SPATA13: variants seen among roughly 807,000 people sequenced by gnomAD.
SPATA13 encodes the protein spermatogenesis associated 13.
In SPATA13, 50 loss-of-function variants were observed where a neutral mutation model predicts 104.0. That is an observed-to-expected ratio of 0.48 (90% confidence interval 0.38 to 0.61). The LOEUF (loss-of-function observed/expected upper bound fraction) is 0.61, where lower values mean the gene tolerates loss of function less well. SPATA13 is among the 20% of genes least tolerant of loss of function. The pLI is 0.00. For synonymous variants in SPATA13, 606 were observed against 667.5 expected, an observed-to-expected ratio of 0.91 and a Z score of 1.42; for missense variants, 1,524 against 1,690.6, an observed-to-expected ratio of 0.90 and a Z score of 1.73.
At chr13:24,085,327 A>G (rs1593319624) in intron 3 of SPATA13, among the ~76,000 whole-genome samples, 1 of 152,276 alleles carries the variant, frequency 6.6e-6, no homozygotes, top group East Asian at 1.9e-4. Flanking sequence ...GGGTTTCGCC[A>G]TGTTAGCCTG....
chr13:24,090,810 T>G (rs1566099857), intron 3 of SPATA13, among the ~76,000 whole-genome samples: 1 of 152,252 alleles, frequency 6.6e-6, no homozygotes, highest in African/African-American at 2.4e-5. Flanking sequence ...ATTGACTGCT[T>G]TATTTCCTGT....
chr13:24,252,253 TC>T (rs1489617275), intron 4 of SPATA13, among the ~76,000 whole-genome samples: 2 of 152,146 alleles, frequency 1.3e-5, no homozygotes, highest in Non-Finnish European at 2.9e-5. Flanking sequence ...CCCTCAGTGT[TC>T]CTTGGCCTGT....
At chr13:24,208,943 G>C (rs1870862054) in intron 1 of SPATA13, among the ~76,000 whole-genome samples, 3 of 152,114 alleles carry the variant, frequency 2.0e-5, no homozygotes, top group Admixed American at 1.3e-4. Flanking sequence ...ACCAAAACTG[G>C]GTGGAAAACA....
intron 11 of SPATA13, 25 bp from the exon 12 acceptor site, chr13:24,300,376 A>G (rs745341622): frequency 3.8e-6 from 6 of 1,596,406 alleles, no homozygotes; most frequent in South Asian, 1.1e-5. Flanking sequence ...TTCTGAATAT[A>G]TATCACATTT....
At position 24,297,575 on chromosome 13, in the gene SPATA13, C is replaced by G. The variant is rs763204181; in HGVS notation, c.3423C>G (p.Arg1141=). The G allele has an allele frequency of 3.7e-6, 6 of 1,614,168 alleles. No individual in the cohort carries two copies. In the East Asian group the frequency reaches 1.1e-4, roughly 30 times the overall value. Residue 1141 remains arginine, a synonymous_variant, in exon 11 of 13, where the codon CGC becomes CGG. Transcript: ENST00000382108. ...EMELVDLGDG[R]DKDCNLSVKN... The stretch of plus-strand genomic sequence containing the variant: ...AGCTTGTGGACCTGGGGGATGGGCG[C>G]GACAAGGACTGCAACCTCAGCGTGA...
At chr13:24,073,300 A>G (rs1397411482) in intron 3 of SPATA13, among the ~76,000 whole-genome samples, 1 of 152,230 alleles carries the variant, frequency 6.6e-6, no homozygotes, top group Non-Finnish European at 1.5e-5. Flanking sequence ...GAGAAAACTC[A>G]CCATGCCAGC....
intron 4 of SPATA13, among the ~76,000 whole-genome samples, chr13:24,264,629 C>T (rs560276756): frequency 4.6e-5 from 7 of 152,326 alleles, no homozygotes; most frequent in Admixed American, 4.6e-4. Flanking sequence ...CAATAATTGC[C>T]TTCTATTAAG....
intron 1 of SPATA13, among the ~76,000 whole-genome samples, chr13:24,210,766 G>GTTTTTTT (rs58789886): frequency 2.2e-5 from 3 of 137,444 alleles, no homozygotes; most frequent in South Asian, 2.3e-4. Context: ...GAATTTTAGG[G>GTTTTTTT]TTTTTTTTTT....
At chr13:23,984,815 A>G (rs1009321746) in intron 2 of SPATA13, among the ~76,000 whole-genome samples, 2 of 152,240 alleles carry the variant, frequency 1.3e-5, no homozygotes, top group Non-Finnish European at 2.9e-5. Context: ...AGCTGTGCAT[A>G]CTTAATTAGA....
At chr13:24,191,553 A>T (rs1869757853) in intron 1 of SPATA13, among the ~76,000 whole-genome samples, 1 of 115,394 alleles carries the variant, frequency 8.7e-6, no homozygotes, top group Non-Finnish European at 1.6e-5. Flanking sequence ...TCTGTCACTC[A>T]GGCTGGAGTG....
At chr13:24,140,309 T>C (rs923300544) in intron 3 of SPATA13, among the ~76,000 whole-genome samples, 2 of 152,246 alleles carry the variant, frequency 1.3e-5, no homozygotes, top group African/African-American at 2.4e-5. Context: ...AGAGCTCTGA[T>C]GCATGCTGAG....
At chr13:24,272,382 G>T (rs550642220) in intron 4 of SPATA13, among the ~76,000 whole-genome samples, 38 of 152,344 alleles carry the variant, frequency 2.5e-4, no homozygotes, top group Admixed American at 5.9e-4. Context: ...AGGGGCCTGG[G>T]TCAGTGCACT....
intron 3 of SPATA13, among the ~76,000 whole-genome samples, chr13:24,153,608 A>C (rs1882169809): frequency 1.3e-5 from 2 of 152,208 alleles, no homozygotes. Context: ...CGCTGCAAGG[A>C]AAACTGTAGG....
rs1419465463 is a variant in SPATA13, at chr13:24,270,165, A to G, written c.2165-13970A>G. On this transcript the variant is annotated intron_variant, in intron 4 of 12. Transcript: ENST00000382108. ...ACTCTTTGTTAACAGTCATTTTACA[A>G]TATGAAAGACTTGCTCATTGTAGAT... Among the ~76,000 whole-genome samples, 6 of 152,220 alleles carry G rather than the reference A, an allele frequency of 3.9e-5. No homozygotes were observed. In the East Asian group the frequency reaches 9.6e-4, roughly 24 times the overall value.
intron 3 of SPATA13, among the ~76,000 whole-genome samples, chr13:24,030,988 T>G (rs547573742): frequency 8.5e-5 from 13 of 152,336 alleles, no homozygotes; most frequent in African/African-American, 2.9e-4. Context: ...TGAATAACCG[T>G]TCAATTCTAG....
intron 1 of SPATA13, among the ~76,000 whole-genome samples, chr13:24,193,476 C>T (rs994509282): frequency 1.3e-5 from 2 of 152,140 alleles, no homozygotes; most frequent in African/African-American, 2.4e-5. Flanking sequence ...GGGGTGCTCC[C>T]CAGTTGGTGC....
chr13:24,231,193 C>T (rs1872252533), intron 2 of SPATA13, among the ~76,000 whole-genome samples: 1 of 152,178 alleles, frequency 6.6e-6, no homozygotes, highest in African/African-American at 2.4e-5. Flanking sequence ...TGGAGCTCTG[C>T]AGCCATCACC....
At chr13:24,234,514 G>A (rs1489528611) in intron 2 of SPATA13, among the ~76,000 whole-genome samples, 2 of 152,182 alleles carry the variant, frequency 1.3e-5, no homozygotes, top group African/African-American at 4.8e-5. Flanking sequence ...TGGTGACACC[G>A]ATTGATTTGG....
intron 4 of SPATA13, among the ~76,000 whole-genome samples, chr13:24,269,819 G>A (rs964234968): frequency 6.2e-5 from 9 of 146,060 alleles, no homozygotes; most frequent in Non-Finnish European, 7.4e-5. Flanking sequence ...AAACTCCTGG[G>A]CTCAATTGAT....
Sources: allele counts gnomAD v4.1 joint callset (sites outside exome capture counted in the v4.1 genomes callset), GRCh38; gene constraint gnomAD v4.1.1; transcripts MANE v1.5; gene names NCBI Gene and HGNC (gene_info 2026-07-23, HGNC 2026-07-21).